Variants in CACTIN observed in about 807,000 individuals in gnomAD.
The protein encoded by CACTIN is cactin, spliceosome C complex subunit.
In CACTIN, 20 loss-of-function variants were observed where a neutral mutation model predicts 84.9. The ratio of observed to expected loss-of-function variants is 0.24; its 90% CI spans 0.17 to 0.34. The LOEUF (loss-of-function observed/expected upper bound fraction) is 0.34, where lower values mean the gene tolerates loss of function less well. Among genes scored for constraint, CACTIN ranks in the 10% least tolerant of loss-of-function variants. The pLI, the probability that CACTIN is intolerant of heterozygous loss-of-function variation, is 1.00. For missense variants in CACTIN, 897 were observed against 1,117.2 expected (o/e 0.80, Z 2.81); for synonymous variants, 549 against 467.9 (o/e 1.17, Z -2.24).
In CACTIN at chr19:3,623,983, G is replaced by C; in HGVS notation, c.347C>G (p.Ser116Cys). 1 of 1,604,838 alleles carries C rather than the reference G, an allele frequency of 6.2e-7. No individual in the cohort carries two copies. The highest frequency in any genetic ancestry group is 1.3e-5 in the African/African-American group (1 of 75,030). The change falls in exon 2 of 10, where the codon TCC (serine) becomes TGC (cysteine). Residue 116 changes from serine to cysteine, a missense_variant. Around this residue, in one of 8 missense-constraint regions of CACTIN, gnomAD observed 261 missense variants for 243.8 expected, o/e 1.07. Coordinates refer to ENST00000429344, the MANE Select transcript of CACTIN (RefSeq NM_001080543.2). The part of the protein sequence containing the change: ...ARSWSPSSSA[S>C]SSASPGRSQS... ...GGATCGCCCTGGAGACGCGGAGCTG[G>C]ATGCTGAGGAGCTAGGAGACCACGA...
chr19:3,618,606 T>C (rs1196663776), intron 6 of CACTIN, among the ~76,000 whole-genome samples: 1 of 152,166 alleles, frequency 6.6e-6, no homozygotes, highest in Non-Finnish European at 1.5e-5. Context: ...GTGGCTCCCA[T>C]AAGGCCGGCA....
intron 6 of CACTIN, among the ~76,000 whole-genome samples, chr19:3,617,326 C>T (rs937490810): frequency 6.6e-6 from 1 of 152,220 alleles, no homozygotes; most frequent in African/African-American, 2.4e-5. Context: ...TAAGAAGATC[C>T]AGGACAGGGG....
chr19:3,619,104 C>A lies in CACTIN; in HGVS notation c.1023G>T (p.Met341Ile). ...CCTGGATATCCTCCAGCAGGTCCTC[C>A]ATGTCGGCCACGGTGAGGCCGTTGA... ...TFLNGLTVAD[M>I]EDLLEDIQVY... The change falls in exon 5 of 10, where the codon ATG becomes ATT. Residue 341 changes from methionine to isoleucine, a missense_variant. By Grantham distance (10) the Met-to-Ile change is conservative (BLOSUM62 1). This residue lies in a region of CACTIN where 304 missense variants were observed against 444.3 expected (regional missense o/e 0.68). Coordinates refer to ENST00000429344, the MANE Select transcript of CACTIN (RefSeq NM_001080543.2). The A allele has an allele frequency of 6.4e-7, 1 of 1,572,544 alleles. No individual in the cohort carries two copies. The highest frequency in any genetic ancestry group is 1.2e-5 in the South Asian group (1 of 85,840).
chr19:3,618,523 G>A (rs1193337265), intron 6 of CACTIN, among the ~76,000 whole-genome samples: 1 of 152,276 alleles, frequency 6.6e-6, no homozygotes. Context: ...ACGGCCTTCA[G>A]GCCAGGTGGA....
chr19:3,613,677 G>A (rs2033034764), intron 7 of CACTIN, 91 bp from the exon 8 acceptor site: 1 of 1,502,526 alleles, frequency 6.7e-7, no homozygotes, highest in Admixed American at 2.0e-5. Context: ...ATTGCTGCAA[G>A]GACCCTGAGA....
chr19:3,620,458 G>A lies in CACTIN; in HGVS notation c.739-186C>T, dbSNP rs769003494. The A allele has an allele frequency of 1.4e-5, 11 of 765,708 alleles. No individual in the cohort carries two copies. In the Admixed American group the frequency reaches 2.3e-4, roughly 16 times the overall value. The allele number at this position is 765,708 out of a possible 1,614,324, so 47.4% of individuals were successfully genotyped here. On this transcript the variant is annotated intron_variant, in intron 3 of 9. Coordinates refer to ENST00000429344, the MANE Select transcript of CACTIN (RefSeq NM_001080543.2). ...GGGCCCTCCTGCCCGAGACTCAGCA[G>A]CTCAGATCAGCTGGGGCCCTCTCGG...
rs1236458705 is a variant in CACTIN at position 3,613,582 on chromosome 19, G to A, written c.1360C>T (p.Arg454Cys). 1.2e-6 allele frequency: 2 copies of A among 1,600,414 alleles called. No individual in the cohort carries two copies. The highest frequency in any genetic ancestry group is 2.2e-5 in the South Asian group (2 of 90,244). Reference protein sequence around the residue: ...LRAHMARARLRERHQDVLRQK... With the variant: ...LRAHMARARLCERHQDVLRQK... ...CGCAGCACGTCCTGGTGGCGCTCACGCAGCCTGGGACGCAGAGCCGGGGTC... is the reference window on the plus strand; with the variant it reads ...CGCAGCACGTCCTGGTGGCGCTCACACAGCCTGGGACGCAGAGCCGGGGTC... Residue 454 changes from arginine (R) to cysteine (C), a missense_variant, in exon 8 of 10, where the codon CGT (arginine) becomes TGT (cysteine). Around this residue, in one of 8 missense-constraint regions of CACTIN, gnomAD observed 304 missense variants for 444.3 expected, o/e 0.68. Transcript: ENST00000429344.
At chr19:3,618,756 C>T in intron 6 of CACTIN, 119 bp downstream of exon 6, 1 of 802,432 alleles carries the variant, frequency 1.2e-6, no homozygotes, top group Non-Finnish European at 1.9e-6. Flanking sequence ...AGGGGAGGCC[C>T]CAGTTGGGGA....
chr19:3,620,127 C>T lies in CACTIN; in HGVS notation c.884G>A (p.Arg295His), dbSNP rs2033191751. 1 of 1,610,374 alleles carries T rather than the reference C, an allele frequency of 6.2e-7. No individual in the cohort carries two copies. The highest frequency in any genetic ancestry group is 8.5e-7 in the Non-Finnish European group (1 of 1,179,758). ...GAGGGAGGGGGAGGCCCCAGCGCAC[C>T]GCAGCTTGGCCTGCTGGAGGTGGAA... ...DNFHLQQAKL[R>H]SKIRIRDGRA... The change falls in exon 4 of 10, where the codon CGT (arginine) becomes CAT (histidine). Residue 295 changes from arginine to histidine, a missense_variant and splice_region_variant. Arg to His is a conservative substitution (Grantham distance 29). Transcript: ENST00000429344.
chr19:3,612,424 G>C lies in CACTIN; in HGVS notation c.1787-11C>G. The C allele has an allele frequency of 6.4e-7, 1 of 1,574,534 alleles. No homozygotes were observed. Among genetic ancestry groups the C allele is most frequent in the Non-Finnish European group, 8.6e-7 (1 of 1,165,476 alleles). On this transcript the variant is annotated splice_polypyrimidine_tract_variant and intron_variant, in intron 9 of 9. Coordinates refer to ENST00000429344, the MANE Select transcript of CACTIN (RefSeq NM_001080543.2). ...TCTCGCTGGCGTCTCCTGCGGGCGG[G>C]ACGGCGTTCACCCGGGCCTCGGCCT...
Position 3,610,850 on chromosome 19 carries a change from G to A in CACTIN, c.*1073C>T, listed in dbSNP as rs768149833. Reference sequence around the variant, plus strand: ...AGGTTGGGTGGCCCTCTGGGGGTCCGGGAGGCACTTTCCGTTTTGCTTCTG... The same window carrying A: ...AGGTTGGGTGGCCCTCTGGGGGTCCAGGAGGCACTTTCCGTTTTGCTTCTG... On this transcript the variant is annotated 3_prime_UTR_variant, in exon 10 of 10. Coordinates refer to ENST00000429344, the MANE Select transcript of CACTIN (RefSeq NM_001080543.2). 5.3e-5 allele frequency: 24 copies of A among 456,674 alleles called. No homozygotes were observed. Among genetic ancestry groups the A allele is most frequent in the South Asian group, 1.9e-4 (12 of 64,574 alleles). 28.3% of individuals were successfully genotyped at this position (456,674 alleles called of 1,614,324 possible).
Position 3,611,165 on chromosome 19 carries a change from G to T in CACTIN, c.*758C>A. 2.5e-6 allele frequency: 1 copy of T among 393,068 alleles called. No individual in the cohort carries two copies. Among genetic ancestry groups the T allele is most frequent in the Non-Finnish European group, 5.1e-6 (1 of 194,936 alleles). 24.3% of individuals were successfully genotyped at this position (393,068 alleles called of 1,614,324 possible). On this transcript the variant is annotated 3_prime_UTR_variant, in exon 10 of 10. Coordinates refer to ENST00000429344, the MANE Select transcript of CACTIN (RefSeq NM_001080543.2). ...CTGTGCTCAGAGGTGGGGGGAGGAC[G>T]GCTCAGTGACTTTTGGTTCCCACGA...
At chr19:3,619,876 A>T (rs1185273456) in intron 4 of CACTIN, among the ~76,000 whole-genome samples, 1 of 152,164 alleles carries the variant, frequency 6.6e-6, no homozygotes, top group Non-Finnish European at 1.5e-5. Flanking sequence ...GGACAACTGC[A>T]GTCAGTGCAG....
Position 3,612,123 on chromosome 19 carries a change from C to G in CACTIN, c.2077G>C (p.Glu693Gln). 6.2e-7 allele frequency: 1 copy of G among 1,613,788 alleles called. No individual in the cohort carries two copies. The highest frequency in any genetic ancestry group is 8.5e-7 in the Non-Finnish European group (1 of 1,179,896). The change falls in exon 10 of 10, where the codon GAG becomes CAG. Residue 693 changes from glutamate (E) to glutamine (Q), a missense_variant. Transcript: ENST00000429344. The stretch of plus-strand genomic sequence containing the variant: ...TCGGCGCAGGCCTCCAGGAAGTACT[C>G]GGGCGTGGAGCGCTTGTCGATGAGG... ...PDLIDKRSTPEYFLEACADNK... is the reference protein window; with the variant it reads ...PDLIDKRSTPQYFLEACADNK...
chr19:3,625,181 T>C (rs1287821551), intron 1 of CACTIN, among the ~76,000 whole-genome samples: 2 of 152,158 alleles, frequency 1.3e-5, no homozygotes, highest in Non-Finnish European at 2.9e-5. Context: ...TGTGAGCCAC[T>C]GCGCTCAGTC....
Position 3,611,965 on chromosome 19 carries a change from G to A in CACTIN, c.2235C>T (p.Phe745=). 4 of 1,613,654 alleles carry A rather than the reference G, an allele frequency of 2.5e-6. No homozygotes were observed. Among genetic ancestry groups the A allele is most frequent in the Non-Finnish European group, 2.5e-6 (3 of 1,179,892 alleles). ...GFRCQFANGI[F]QLWFHFKRYR... ...AGCGCTTGAAGTGAAACCACAGCTG[G>A]AAGATGCCGTTGGCAAACTGGCAGC... The change falls in exon 10 of 10, where the codon TTC becomes TTT. Residue 745 remains phenylalanine (F), a synonymous_variant. Transcript: ENST00000429344.
At position 3,615,271 on chromosome 19, in the gene CACTIN, G is replaced by A. The variant is rs2033079528; in HGVS notation, c.1163-682C>T. 1 of 156,876 alleles carries A rather than the reference G, an allele frequency of 6.4e-6. No individual in the cohort carries two copies. 9.7% of individuals were successfully genotyped at this position (156,876 alleles called of 1,614,324 possible). Reference sequence around the variant, plus strand: ...CTCCTCGATAGACGGGGAGGCTGCTGAGGGCGGGAGTGGGGTGCTGGGAGG... The same window carrying A: ...CTCCTCGATAGACGGGGAGGCTGCTAAGGGCGGGAGTGGGGTGCTGGGAGG... On this transcript the variant is annotated intron_variant, in intron 6 of 9. Coordinates refer to ENST00000429344, the MANE Select transcript of CACTIN (RefSeq NM_001080543.2). This position sits in a 1 kb window ranked among gnomAD's most constrained non-coding sequence, Gnocchi z 5.2.
Position 3,613,528 on chromosome 19 carries a change from G to A in CACTIN, c.1414C>T (p.Gln472Ter). ...AACAGCGGCTCGCTCTCCACGCCCT[G>A]CTCCTGCTTCAGTTTGTACAGCTTC... is the stretch of plus-strand genomic sequence containing the variant. The part of the protein sequence containing the change: ...RQKLYKLKQE[Q>*]GVESEPLFPI... Residue 472 changes from glutamine (Q) to a stop codon, truncating the protein, a stop_gained, in exon 8 of 10, where the codon CAG becomes TAG. Transcript: ENST00000429344. LOFTEE classifies it high-confidence loss of function. 1 of 1,596,636 alleles carries A rather than the reference G, an allele frequency of 6.3e-7. No individual in the cohort carries two copies.
intron 1 of CACTIN, among the ~76,000 whole-genome samples, chr19:3,624,748 A>G (rs555806835): frequency 6.6e-6 from 1 of 152,094 alleles, no homozygotes; most frequent in Non-Finnish European, 1.5e-5. Flanking sequence ...TGGAAGTGGT[A>G]TTTGAACTAG....
Sources: gnomAD v4.1 joint callset for allele counts (sites outside exome capture counted in the v4.1 genomes callset) on GRCh38, gnomAD v4.1.1 for gene constraint, gnomAD v4.1.1 regional missense constraint, Gnocchi (gnomAD v3.1) non-coding constraint, MANE v1.5 for transcripts, NCBI Gene and HGNC (gene_info 2026-07-23, HGNC 2026-07-21) for gene names.